SMG6: variants seen among roughly 807,000 people sequenced by gnomAD.
The protein encoded by SMG6 is SMG6 nonsense mediated mRNA decay factor, also known as telomerase-binding protein EST1A.
Under a neutral mutation model 142.2 loss-of-function variants are expected in SMG6, and 66 were observed. That is an observed-to-expected ratio of 0.46 (90% CI 0.38 to 0.57). The LOEUF (loss-of-function observed/expected upper bound fraction) is 0.57, where lower values mean the gene tolerates loss of function less well. SMG6 is among the 20% of genes least tolerant of loss of function. SMG6 has a pLI of 0.00. For synonymous variants in SMG6, 779 were observed against 702.4 expected, an observed-to-expected ratio of 1.11 and a Z score of -1.72; for missense variants, 1,793 against 1,832.0, an observed-to-expected ratio of 0.98 and a Z score of 0.39.
chr17:2,108,812 C>T (rs1299368225), intron 13 of SMG6, among the ~76,000 whole-genome samples: 3 of 151,774 alleles, frequency 2.0e-5, no homozygotes, highest in Non-Finnish European at 4.4e-5. Context: ...CGCATGGTGG[C>T]GGGCGCCTGT....
At chr17:2,287,210 G>A (rs532754331) in intron 6 of SMG6, among the ~76,000 whole-genome samples, 1 of 152,100 alleles carries the variant, frequency 6.6e-6, no homozygotes, top group Non-Finnish European at 1.5e-5. Context: ...TGAGCCACTG[G>A]GCCCGGCTAA....
intron 13 of SMG6, among the ~76,000 whole-genome samples, chr17:2,093,480 C>A (rs893021727): frequency 2.6e-5 from 4 of 152,070 alleles, no homozygotes; most frequent in African/African-American, 9.7e-5. Context: ...GATGCCTGGG[C>A]CCAGTAGGTG....
At chr17:2,176,892 A>T (rs1291876154) in intron 12 of SMG6, among the ~76,000 whole-genome samples, 1 of 152,222 alleles carries the variant, frequency 6.6e-6, no homozygotes, top group African/African-American at 2.4e-5. Context: ...AAAGGAAAAA[A>T]ATAAGAGTTA....
intron 4 of SMG6, among the ~76,000 whole-genome samples, chr17:2,296,028 C>T (rs897454743): frequency 6.6e-6 from 1 of 152,140 alleles, no homozygotes. Context: ...TCCTCTATCT[C>T]CACTCTTGCC....
chr17:2,216,042 C>T (rs1422350162), intron 10 of SMG6: 1 of 152,382 alleles, frequency 6.6e-6, no homozygotes, highest in Non-Finnish European at 1.5e-5. Flanking sequence ...TCCCTCAGCC[C>T]TGAGTGCAGA....
At chr17:2,297,742 G>T (rs2075174778) in intron 3 of SMG6, 121 bp downstream of exon 3, 3 of 1,131,660 alleles carry the variant, frequency 2.7e-6, no homozygotes, top group Non-Finnish European at 3.8e-6. Flanking sequence ...CAGAACCCAA[G>T]AAAAGGGCAG....
intron 13 of SMG6, among the ~76,000 whole-genome samples, chr17:2,096,829 T>C (rs1161999165): frequency 6.8e-6 from 1 of 146,328 alleles, no homozygotes; most frequent in Non-Finnish European, 1.5e-5. Context: ...AGCAAAGGAC[T>C]CCACAGGAAC....
Position 2,300,248 on chromosome 17 carries a change from G to A in SMG6, c.505C>T (p.Leu169Phe), listed in dbSNP as rs1348340391. 3.1e-6 allele frequency: 5 copies of A among 1,614,158 alleles called. No homozygotes were observed. The highest frequency in any genetic ancestry group is 4.2e-6 in the Non-Finnish European group (5 of 1,180,042). The change falls in exon 2 of 19, where the codon CTC (leucine) becomes TTC (phenylalanine). Residue 169 changes from leucine to phenylalanine, a missense_variant. Physicochemically the swap from Leu to Phe is conservative, Grantham distance 22. Around this residue, in one of 3 missense-constraint regions of SMG6, gnomAD observed 1,597 missense variants for 1,584.6 expected, o/e 1.01. Coordinates refer to ENST00000263073, the MANE Select transcript of SMG6 (RefSeq NM_017575.5). Reference protein sequence around the residue: ...SASRVEEEEVLNQVEQLRVEE... With the variant: ...SASRVEEEEVFNQVEQLRVEE... Reference sequence around the variant, plus strand: ...ACTCTCAGTTGTTCTACCTGGTTGAGGACTTCTTCCTCCTCCACCCGACTG... The same window carrying A: ...ACTCTCAGTTGTTCTACCTGGTTGAAGACTTCTTCCTCCTCCACCCGACTG...
intron 10 of SMG6, among the ~76,000 whole-genome samples, chr17:2,227,652 G>A (rs2073356353): frequency 6.6e-6 from 1 of 152,226 alleles, no homozygotes; most frequent in South Asian, 2.1e-4. Flanking sequence ...TCTTGATTGT[G>A]ATGGTTAGTA....
Position 2,292,647 on chromosome 17 carries a change from A to G in SMG6, c.2259-17T>C. The G allele has an allele frequency of 6.2e-7, 1 of 1,612,820 alleles. No homozygotes were observed. Among genetic ancestry groups the G allele is most frequent in the Non-Finnish European group, 8.5e-7 (1 of 1,179,130 alleles). ...AGGTACCAACTAGAACAGAAAAAAC[A>G]GTAAGAAAATGCTAGTTCCAGATTA... On this transcript the variant is annotated splice_polypyrimidine_tract_variant and intron_variant, in intron 5 of 18. Coordinates refer to ENST00000263073, the MANE Select transcript of SMG6 (RefSeq NM_017575.5).
At chr17:2,197,689 T>C (rs542418072) in intron 10 of SMG6, among the ~76,000 whole-genome samples, 1 of 151,930 alleles carries the variant, frequency 6.6e-6, no homozygotes. Flanking sequence ...AGATATTTCA[T>C]CAAAGAGGAT....
intron 13 of SMG6, among the ~76,000 whole-genome samples, chr17:2,139,155 T>C (rs1024364045): frequency 1.3e-5 from 2 of 152,176 alleles, no homozygotes; most frequent in East Asian, 3.8e-4. Context: ...AAAAGGGAGA[T>C]GTTTCCAGGG....
At chr17:2,303,589 C>T (rs1185918190) in intron 1 of SMG6, 44 bp downstream of exon 1, 1 of 1,372,780 alleles carries the variant, frequency 7.3e-7, no homozygotes, top group Non-Finnish European at 9.4e-7. Context: ...GAGAGGGAGG[C>T]GGGGCGGGCA....
intron 12 of SMG6, 88 bp from the exon 13 acceptor site, chr17:2,172,947 T>C (rs2071550655): frequency 7.9e-7 from 1 of 1,261,436 alleles, no homozygotes; most frequent in Non-Finnish European, 1.1e-6. Context: ...GGGAAGTACT[T>C]GCAGCAAATG....
At chr17:2,130,031 G>A (rs1170207433) in intron 13 of SMG6, among the ~76,000 whole-genome samples, 1 of 151,264 alleles carries the variant, frequency 6.6e-6, no homozygotes, top group African/African-American at 2.4e-5. Flanking sequence ...AGGCTGAGGC[G>A]AGTGGATCAC....
intron 8 of SMG6, among the ~76,000 whole-genome samples, chr17:2,248,384 T>G (rs533961954): frequency 2.0e-5 from 3 of 152,246 alleles, no homozygotes; most frequent in African/African-American, 7.2e-5. Context: ...TCCTTCCTGA[T>G]TAGGTAGGAA....
chr17:2,280,249 T>C (rs186744141), intron 8 of SMG6, among the ~76,000 whole-genome samples: 89 of 152,128 alleles, frequency 5.9e-4, no homozygotes, highest in Non-Finnish European at 7.9e-4. Flanking sequence ...TGAAAAGTTA[T>C]GAAACTGCAG....
At chr17:2,062,488 T>A (rs1290054285) in intron 18 of SMG6, 1 of 147,466 alleles carries the variant, frequency 6.8e-6, no homozygotes, top group Non-Finnish European at 1.5e-5. Flanking sequence ...TATCTTTCAT[T>A]CTTTTTAGAT....
intron 10 of SMG6, among the ~76,000 whole-genome samples, chr17:2,202,890 A>T (rs569640562): frequency 2.4e-4 from 37 of 152,334 alleles, no homozygotes; most frequent in African/African-American, 8.4e-4. Flanking sequence ...AGCTCTGTAC[A>T]GCATTACCAC....
Sources: gnomAD v4.1 joint callset for allele counts (sites outside exome capture counted in the v4.1 genomes callset) on GRCh38, gnomAD v4.1.1 for gene constraint, gnomAD v4.1.1 regional missense constraint, MANE v1.5 for transcripts, NCBI Gene and HGNC (gene_info 2026-07-23, HGNC 2026-07-21) for gene names.